Variants in DIAPH2 observed in about 807,000 individuals in gnomAD.
DIAPH2 encodes diaphanous related formin 2.
Under a neutral mutation model 92.7 loss-of-function variants are expected in DIAPH2, and 35 were observed. The observed-to-expected ratio is 0.38, with a 90% CI of 0.29 to 0.50. The LOEUF (loss-of-function observed/expected upper bound fraction) is 0.50. DIAPH2 is among the 20% of genes least tolerant of loss of function. The pLI, the probability that DIAPH2 is intolerant of heterozygous loss-of-function variation, is 0.94. For synonymous variants in DIAPH2, 301 were observed against 280.4 expected (o/e 1.07, Z -0.73); for missense variants, 701 against 819.5 (o/e 0.86, Z 1.77).
chrX:97,426,931 C>A (rs1040442019), intron 25 of DIAPH2, among the ~76,000 whole-genome samples: 1 of 111,158 alleles, frequency 9.0e-6, no homozygotes, highest in African/African-American at 3.3e-5. Flanking sequence ...AATCCCAGCA[C>A]TTTGGGAGGC....
chrX:97,039,095 TA>T (rs765817821), intron 17 of DIAPH2, among the ~76,000 whole-genome samples: 1 of 111,437 alleles, frequency 9.0e-6, no homozygotes, highest in African/African-American at 3.2e-5. Context: ...GTCATGATTT[TA>T]AAAAATATTA....
intron 23 of DIAPH2, among the ~76,000 whole-genome samples, chrX:97,307,908 C>CA (rs34217377): frequency 0.024 from 1,575 of 64,758 alleles, 46 homozygotes; most frequent in African/African-American, 0.085. Flanking sequence ...GACTCTGTCT[C>CA]AAAAAAAAAA....
intron 26 of DIAPH2, among the ~76,000 whole-genome samples, chrX:97,439,556 C>T (rs1315370946): frequency 1.9e-5 from 2 of 105,872 alleles, no homozygotes; most frequent in Admixed American, 1.0e-4. Flanking sequence ...AGCGACAGGG[C>T]GAGACTCCGT....
At chrX:97,292,588 C>T (rs2068602354) in intron 23 of DIAPH2, among the ~76,000 whole-genome samples, 2 of 104,960 alleles carry the variant, frequency 1.9e-5, no homozygotes, top group East Asian at 6.0e-4. Flanking sequence ...CACTCTGTCA[C>T]CAGGCTGGAG....
At chrX:97,577,827 T>C (rs2071408164) in intron 26 of DIAPH2, among the ~76,000 whole-genome samples, 1 of 112,032 alleles carries the variant, frequency 8.9e-6, no homozygotes, top group Non-Finnish European at 1.9e-5. Flanking sequence ...GCCACAAATT[T>C]TGGGGCCAAA....
chrX:96,865,010 CT>C (rs1423127674), intron 4 of DIAPH2, among the ~76,000 whole-genome samples: 1 of 112,050 alleles, frequency 8.9e-6, no homozygotes, highest in Non-Finnish European at 1.9e-5. Flanking sequence ...GAACCAAATA[CT>C]GAAATCTATC....
At chrX:96,851,980 A>G (rs2147713401) in intron 4 of DIAPH2, among the ~76,000 whole-genome samples, 1 of 112,059 alleles carries the variant, frequency 8.9e-6, no homozygotes, top group East Asian at 2.8e-4. Context: ...TTTTTTTGCT[A>G]TGGTAGTTAA....
At chrX:97,482,566 ACT>A (rs766467062) in intron 26 of DIAPH2, among the ~76,000 whole-genome samples, 109 of 110,703 alleles carry the variant, frequency 9.8e-4, no homozygotes, top group Non-Finnish European at 1.5e-3. Context: ...AAATGGCTGG[ACT>A]CTCTCAAACA....
At chrX:96,819,094 C>G (rs1461045065) in intron 4 of DIAPH2, among the ~76,000 whole-genome samples, 1 of 112,245 alleles carries the variant, frequency 8.9e-6, no homozygotes, top group African/African-American at 3.2e-5. Flanking sequence ...CTGCTCACCT[C>G]CTGCTGTGAG....
chrX:96,775,347 G>A (rs1443440212), intron 4 of DIAPH2, among the ~76,000 whole-genome samples: 1 of 82,127 alleles, frequency 1.2e-5, no homozygotes, highest in Non-Finnish European at 2.4e-5. Context: ...TTTACTCAAC[G>A]TGTGCTTGTG....
Position 97,556,313 on chromosome X carries a change from C to A in DIAPH2, c.3242-42940C>A, listed in dbSNP as rs746185335. On this transcript the variant is annotated intron_variant, in intron 26 of 26. Coordinates refer to ENST00000324765, the MANE Select transcript of DIAPH2 (RefSeq NM_006729.5). ...AAAGGATCTCCTCTGTTAAGTTGTTCATCATCCATTTATTTATTCATTCAA... is the reference window on the plus strand; with the variant it reads ...AAAGGATCTCCTCTGTTAAGTTGTTAATCATCCATTTATTTATTCATTCAA... 2.7e-5 allele frequency among the ~76,000 whole-genome samples: 3 copies of A among 112,132 alleles called. No individual in the cohort carries two copies. The South Asian group carries it at 1.1e-3, about 42-fold the overall frequency.
At chrX:97,354,502 A>G (rs190182926) in intron 24 of DIAPH2, among the ~76,000 whole-genome samples, 1 of 111,102 alleles carries the variant, frequency 9.0e-6, no homozygotes, top group African/African-American at 3.3e-5. Context: ...CCTCCTGAGT[A>G]GCTGGGATTA....
chrX:97,337,873 ATTT>A (rs772010711), intron 23 of DIAPH2, among the ~76,000 whole-genome samples: 6 of 92,714 alleles, frequency 6.5e-5, no homozygotes, highest in African/African-American at 1.6e-4. Flanking sequence ...TTATAATCTG[ATTT>A]TTTTTTTTTT....
At chrX:96,768,621 G>A (rs978280701) in intron 4 of DIAPH2, among the ~76,000 whole-genome samples, 1 of 111,515 alleles carries the variant, frequency 9.0e-6, no homozygotes, top group African/African-American at 3.3e-5. Context: ...GAGCTCTTTG[G>A]GCAAATGACA....
At chrX:97,576,833 A>G (rs1254284259) in intron 26 of DIAPH2, among the ~76,000 whole-genome samples, 1 of 111,982 alleles carries the variant, frequency 8.9e-6, no homozygotes, top group Non-Finnish European at 1.9e-5. Flanking sequence ...AGGTAGTTAA[A>G]TAATCCTGAC....
At chrX:97,592,535 A>G (rs1186780054) in intron 26 of DIAPH2, among the ~76,000 whole-genome samples, 1 of 112,197 alleles carries the variant, frequency 8.9e-6, no homozygotes, top group Non-Finnish European at 1.9e-5. Flanking sequence ...AAGAAAAGGA[A>G]AGGCGTTCTT....
At chrX:97,363,692 A>G (rs912373714) in intron 24 of DIAPH2, among the ~76,000 whole-genome samples, 1 of 104,120 alleles carries the variant, frequency 9.6e-6, no homozygotes. Context: ...AAAAAAAAAA[A>G]CCTAACAAAT....
At chrX:97,476,984 T>TATATATACAC (rs1280074551) in intron 26 of DIAPH2, among the ~76,000 whole-genome samples, 2 of 57,070 alleles carry the variant, frequency 3.5e-5, no homozygotes, top group African/African-American at 1.7e-4. Context: ...TATATATATA[T>TATATATACAC]ACACACACAC....
intron 21 of DIAPH2, among the ~76,000 whole-genome samples, chrX:97,121,164 T>A (rs775938573): frequency 8.9e-6 from 1 of 112,776 alleles, no homozygotes; most frequent in Non-Finnish European, 1.9e-5. Context: ...AGAAAACTGA[T>A]GCTTGTAGAA....
Sources: gnomAD v4.1 joint callset for allele counts (sites outside exome capture counted in the v4.1 genomes callset) on GRCh38, gnomAD v4.1.1 for gene constraint, MANE v1.5 for transcripts, NCBI Gene and HGNC (gene_info 2026-07-23, HGNC 2026-07-21) for gene names.